Variants in PAK5 observed in about 807,000 individuals in gnomAD.
PAK5 encodes serine/threonine-protein kinase PAK 5.
PAK5 carries 16 observed loss-of-function variants against 65.9 expected under a neutral mutation model. That is an observed-to-expected ratio of 0.24 (90% CI 0.16 to 0.37). PAK5 has a LOEUF of 0.37. PAK5 is among the 10% of genes least tolerant of loss of function. PAK5 has a pLI of 1.00. For missense variants in PAK5, 785 were observed against 903.9 expected (o/e 0.87, Z 1.69); for synonymous variants, 371 against 354.9 (o/e 1.05, Z -0.51).
chr20:9,652,151 A>C (rs2047210808), intron 2 of PAK5, among the ~76,000 whole-genome samples: 1 of 152,186 alleles, frequency 6.6e-6, no homozygotes, highest in African/African-American at 2.4e-5. Context: ...GTGTTCATAT[A>C]ATTTAGGTTT....
intron 3 of PAK5, among the ~76,000 whole-genome samples, chr20:9,634,825 G>A (rs1175104338): frequency 2.0e-5 from 3 of 152,258 alleles, no homozygotes; most frequent in African/African-American, 7.2e-5. Context: ...TGGTGGGAGG[G>A]CTGAAAAGGC....
intron 1 of PAK5, among the ~76,000 whole-genome samples, chr20:9,712,457 A>G (rs541848455): frequency 7.2e-5 from 11 of 152,304 alleles, no homozygotes; most frequent in Non-Finnish European, 1.3e-4. Context: ...TATTAAAAAG[A>G]CAAATTCCAG....
chr20:9,816,730 G>A (rs1223670551), intron 1 of PAK5, among the ~76,000 whole-genome samples: 1 of 152,126 alleles, frequency 6.6e-6, no homozygotes, highest in Non-Finnish European at 1.5e-5. Context: ...AGCAGATCAT[G>A]GGACTTCTCT....
At chr20:9,820,961 CT>C (rs1224184861) in intron 1 of PAK5, among the ~76,000 whole-genome samples, 13 of 152,298 alleles carry the variant, frequency 8.5e-5, no homozygotes, top group African/African-American at 3.1e-4. Flanking sequence ...CCTGATAGCT[CT>C]CCCCAAATTT....
intron 1 of PAK5, among the ~76,000 whole-genome samples, chr20:9,781,238 A>G (rs1197656012): frequency 6.6e-6 from 1 of 152,182 alleles, no homozygotes; most frequent in Admixed American, 6.5e-5. Flanking sequence ...AAAGGTATGC[A>G]TAATTGTTCA....
chr20:9,663,411 T>G (rs1294264647), intron 2 of PAK5, among the ~76,000 whole-genome samples: 1 of 152,176 alleles, frequency 6.6e-6, no homozygotes. Flanking sequence ...TTTATTTAAA[T>G]AGCATTGTCA....
chr20:9,641,613 G>A (rs537688420), intron 3 of PAK5, among the ~76,000 whole-genome samples: 21 of 152,116 alleles, frequency 1.4e-4, no homozygotes, highest in Admixed American at 9.8e-4. Flanking sequence ...TTGGGTGGTC[G>A]ATGGGACTGG....
rs553669005 is a variant in PAK5 at position 9,664,342 on chromosome 20, C to A, written c.-11-20003G>T. Among the ~76,000 whole-genome samples the A allele has an allele frequency of 2.6e-5, 4 of 152,276 alleles. No homozygotes were observed. In the South Asian group the frequency reaches 8.3e-4, roughly 32 times the overall value. Reference sequence around the variant, plus strand: ...ATAAAGAACATGAGAAAAGTCATCACAAGAAATGCTTCAACCTCCAATGGT... The same window carrying A: ...ATAAAGAACATGAGAAAAGTCATCAAAAGAAATGCTTCAACCTCCAATGGT... On this transcript the variant is annotated intron_variant, in intron 2 of 9. Transcript: ENST00000353224.
intron 2 of PAK5, among the ~76,000 whole-genome samples, chr20:9,684,076 T>C (rs543433661): frequency 9.2e-5 from 14 of 152,286 alleles, no homozygotes; most frequent in South Asian, 2.1e-4. Flanking sequence ...ACCAGTCCCA[T>C]TGGACTATGA....
Position 9,539,355 on chromosome 20 carries a change from G to A in PAK5, c.*107C>T, listed in dbSNP as rs1401029817. On this transcript the variant is annotated 3_prime_UTR_variant, in exon 10 of 10. Transcript: ENST00000353224. ...CGGTCATCACGCTGTCCCACCAATT[G>A]GCTGGTCTAGAATGCACAGGCCTTT... 3 of 1,052,126 alleles carry A rather than the reference G, an allele frequency of 2.9e-6. No individual in the cohort carries two copies. The highest frequency in any genetic ancestry group is 1.6e-5 in the African/African-American group (1 of 63,874). The allele number at this position is 1,052,126 out of a possible 1,614,324, so 65.2% of individuals were successfully genotyped here.
rs200048765 is a variant in PAK5 at position 9,605,576 on chromosome 20, A to G, written c.205-24646T>C. ...TAAGTGAGACATGGTATGTGTTAAC[A>G]CCTGGCACAGTGTCAGGTATACAGT... is the stretch of plus-strand genomic sequence containing the variant. On this transcript the variant is annotated intron_variant, in intron 3 of 9. Coordinates refer to ENST00000353224, the MANE Select transcript of PAK5 (RefSeq NM_177990.4). 1.1e-4 allele frequency among the ~76,000 whole-genome samples: 16 copies of G among 152,356 alleles called. No homozygotes were observed. In the East Asian group the frequency reaches 3.1e-3, roughly 29 times the overall value.
At chr20:9,703,141 C>T (rs2206472) in intron 2 of PAK5, among the ~76,000 whole-genome samples, 50,094 of 152,066 alleles carry the variant, frequency 0.33, 9,522 homozygotes, top group South Asian at 0.51. Flanking sequence ...GTGGCATTTC[C>T]TCATTTGCTG....
At position 9,660,073 on chromosome 20, in the gene PAK5, A is replaced by G. The variant is rs568362240; in HGVS notation, c.-11-15734T>C. 5.1e-4 allele frequency among the ~76,000 whole-genome samples: 78 copies of G among 152,186 alleles called. 2 individuals carry two copies. Among genetic ancestry groups the G allele is most frequent in the South Asian group, 2.7e-3 (13 of 4,820 alleles). On this transcript the variant is annotated intron_variant, in intron 2 of 9. Transcript: ENST00000353224. ...GCCTCTGACTGTCACTCCCTTCCAA[A>G]TCTGAAGATGCCCACTTCTATTGTA...
At chr20:9,609,420 C>T (rs989310072) in intron 3 of PAK5, among the ~76,000 whole-genome samples, 3 of 152,182 alleles carry the variant, frequency 2.0e-5, no homozygotes, top group South Asian at 2.1e-4. Flanking sequence ...ATATCCAGGT[C>T]GAGGGCAAAA....
At chr20:9,559,991 C>T (rs1259542125) in intron 6 of PAK5, among the ~76,000 whole-genome samples, 1 of 152,156 alleles carries the variant, frequency 6.6e-6, no homozygotes, top group Non-Finnish European at 1.5e-5. Context: ...TCACATATAC[C>T]TTCAAATTAA....
intron 1 of PAK5, among the ~76,000 whole-genome samples, chr20:9,732,129 C>A (rs1364065940): frequency 3.3e-5 from 5 of 152,060 alleles, no homozygotes; most frequent in Admixed American, 2.0e-4. Flanking sequence ...AGCTGTAAAA[C>A]TTCTAGCCAA....
At chr20:9,615,923 A>G (rs2046648136) in intron 3 of PAK5, among the ~76,000 whole-genome samples, 1 of 152,186 alleles carries the variant, frequency 6.6e-6, no homozygotes, top group African/African-American at 2.4e-5. Flanking sequence ...TCAATGCTGC[A>G]TGCTGCCCCC....
At chr20:9,710,919 C>T (rs1600273405) in intron 2 of PAK5, among the ~76,000 whole-genome samples, 1 of 152,196 alleles carries the variant, frequency 6.6e-6, no homozygotes, top group East Asian at 1.9e-4. Flanking sequence ...TCAAACCCTA[C>T]TTGGCTGGAT....
At chr20:9,814,603 G>T (rs2049334753) in intron 1 of PAK5, among the ~76,000 whole-genome samples, 1 of 152,078 alleles carries the variant, frequency 6.6e-6, no homozygotes, top group South Asian at 2.1e-4. Flanking sequence ...TACTGAGTCA[G>T]AGCTTTATAT....
Sources: gnomAD v4.1 joint callset for allele counts (sites outside exome capture counted in the v4.1 genomes callset) on GRCh38, gnomAD v4.1.1 for gene constraint, MANE v1.5 for transcripts, NCBI Gene and HGNC (gene_info 2026-07-23, HGNC 2026-07-21) for gene names.